PLEKHM3: variants seen among roughly 807,000 people sequenced by gnomAD.
The protein encoded by PLEKHM3 is pleckstrin homology domain-containing family M member 3.
Under a neutral mutation model 81.8 loss-of-function variants are expected in PLEKHM3, and 45 were observed. That is an observed-to-expected ratio of 0.55 (90% CI 0.43 to 0.71). PLEKHM3 has a LOEUF of 0.71. Among genes scored for constraint, PLEKHM3 ranks in the 30% least tolerant of loss-of-function variants. PLEKHM3 has a pLI of 0.00. For synonymous variants in PLEKHM3, 352 were observed against 356.4 expected (o/e 0.99, Z 0.14); for missense variants, 788 against 924.3 (o/e 0.85, Z 1.91).
At position 207,976,811 on chromosome 2, in the gene PLEKHM3, C is replaced by A. The variant is rs1691326782; in HGVS notation, c.1386G>T (p.Glu462Asp). The change falls in exon 3 of 8, where the codon GAG becomes GAT. Residue 462 changes from glutamate (E) to aspartate (D), a missense_variant. Physicochemically the swap from Glu to Asp is conservative, Grantham distance 45 (BLOSUM62 2). Coordinates refer to ENST00000427836, the MANE Select transcript of PLEKHM3 (RefSeq NM_001080475.3). This position sits in a 1 kb window ranked among gnomAD's most constrained non-coding sequence, Gnocchi z 4.1. ...TCCTCAGTGTGACTTGCAGGTTTTG[C>A]TCTGAACTCCTCGCCACATTGGCAG... ...KIAANVARSS[E>D]QNLQVTLRNK... The A allele has an allele frequency of 1.2e-6, 2 of 1,614,250 alleles. No homozygotes were observed. The highest frequency in any genetic ancestry group is 8.5e-7 in the Non-Finnish European group (1 of 1,180,050).
Position 207,931,108 on chromosome 2 carries a change from C to T in PLEKHM3, c.1704G>A (p.Gln568=). ...ACACGTACTCCAGAAACTCCTTGGC[C>T]TGCTTCGACACCTACAAAACAAGCG... The part of the protein sequence containing the change: ...WDTSKYKVSK[Q]AKEFLEYVYE... Residue 568 remains glutamine, a synonymous_variant, in exon 5 of 8, where the codon CAG becomes CAA. Coordinates refer to ENST00000427836, the MANE Select transcript of PLEKHM3 (RefSeq NM_001080475.3). 1.2e-6 allele frequency: 2 copies of T among 1,611,514 alleles called. No homozygotes were observed. Among genetic ancestry groups the T allele is most frequent in the Non-Finnish European group, 1.7e-6 (2 of 1,178,320 alleles).
At chr2:207,858,723 C>T (rs1050311073) in intron 7 of PLEKHM3, among the ~76,000 whole-genome samples, 6 of 152,046 alleles carry the variant, frequency 3.9e-5, no homozygotes, top group Admixed American at 2.0e-4. Flanking sequence ...TCAAGTGATC[C>T]ACCCACCTGC....
At chr2:207,955,125 T>C (rs1241393057) in intron 3 of PLEKHM3, among the ~76,000 whole-genome samples, 1 of 152,214 alleles carries the variant, frequency 6.6e-6, no homozygotes, top group Non-Finnish European at 1.5e-5. Flanking sequence ...GTAAGTATAA[T>C]GATCTGTAAT....
At chr2:207,859,400 A>C (rs1285161686) in intron 7 of PLEKHM3, among the ~76,000 whole-genome samples, 5 of 151,570 alleles carry the variant, frequency 3.3e-5, no homozygotes, top group African/African-American at 1.2e-4. Flanking sequence ...GGCCTCCCAA[A>C]GTGCTGGGAT....
chr2:207,838,068 G>A (rs1043590891), intron 7 of PLEKHM3, among the ~76,000 whole-genome samples: 3 of 151,934 alleles, frequency 2.0e-5, no homozygotes, highest in African/African-American at 4.8e-5. Flanking sequence ...CACCGCGCCC[G>A]GCCTCGAGTT....
intron 4 of PLEKHM3, among the ~76,000 whole-genome samples, chr2:207,943,256 A>G (rs1690003652): frequency 6.6e-6 from 1 of 152,248 alleles, no homozygotes; most frequent in Non-Finnish European, 1.5e-5. Context: ...TATTACACAT[A>G]GTATGTATGT....
At chr2:207,884,132 C>A (rs1574369243) in intron 6 of PLEKHM3, among the ~76,000 whole-genome samples, 1 of 148,480 alleles carries the variant, frequency 6.7e-6, no homozygotes, top group African/African-American at 2.5e-5. Flanking sequence ...GACCCCCGTC[C>A]CCACCCCCAC....
At chr2:207,833,779 T>C (rs2092301994) in intron 7 of PLEKHM3, among the ~76,000 whole-genome samples, 1 of 152,148 alleles carries the variant, frequency 6.6e-6, no homozygotes, top group South Asian at 2.1e-4. Flanking sequence ...TAGTGGAAAA[T>C]GCATCACAGA....
intron 7 of PLEKHM3, among the ~76,000 whole-genome samples, chr2:207,847,121 C>A (rs2092387975): frequency 6.6e-6 from 1 of 152,146 alleles, no homozygotes; most frequent in South Asian, 2.1e-4. Flanking sequence ...AGGTGACAGC[C>A]ATCTATTCAA....
At chr2:207,970,641 A>G (rs1216779567) in intron 3 of PLEKHM3, among the ~76,000 whole-genome samples, 1 of 152,122 alleles carries the variant, frequency 6.6e-6, no homozygotes, top group African/African-American at 2.4e-5. Flanking sequence ...TCCCACTCAG[A>G]CCCTGCCACT....
rs2105870336 is a variant in PLEKHM3 at position 207,822,148 on chromosome 2, C to T, written c.*6171G>A. On this transcript the variant is annotated 3_prime_UTR_variant, in exon 8 of 8. Coordinates refer to ENST00000427836, the MANE Select transcript of PLEKHM3 (RefSeq NM_001080475.3). ...TTCTGATAGGTGACCAAAGCTAGAA[C>T]CTAGGCCTCCAGCAGCCAAAGCCTA... is the stretch of plus-strand genomic sequence containing the variant. 6.6e-6 allele frequency: 1 copy of T among 152,302 alleles called. No homozygotes were observed. The highest frequency in any genetic ancestry group is 2.1e-4 in the South Asian group (1 of 4,830). 9.4% of individuals were successfully genotyped at this position (152,302 alleles called of 1,614,324 possible).
chr2:207,992,182 C>A (rs749466609), intron 2 of PLEKHM3, among the ~76,000 whole-genome samples: 6 of 152,130 alleles, frequency 3.9e-5, no homozygotes, highest in Non-Finnish European at 7.4e-5. Context: ...GCTGGAGAAG[C>A]GGTTTAACAC....
In PLEKHM3 at chr2:207,851,024, G is replaced by A. The variant is rs572156847; in HGVS notation, c.2108+10081C>T. Among the ~76,000 whole-genome samples, 71 of 152,036 alleles carry A rather than the reference G, an allele frequency of 4.7e-4. No individual in the cohort carries two copies. The South Asian group carries it at 0.015, about 31-fold the overall frequency. On this transcript the variant is annotated intron_variant, in intron 7 of 7. Transcript: ENST00000427836. ...AAAAATTAGCTGGGCGTCGTGGCAC[G>A]CACCTGTAATCCCAGCTACTAGGGA...
intron 5 of PLEKHM3, among the ~76,000 whole-genome samples, chr2:207,930,453 T>C (rs2105939185): frequency 1.3e-5 from 2 of 151,690 alleles, no homozygotes; most frequent in South Asian, 4.1e-4. Context: ...ATAATAAATA[T>C]ATAAAATAAA....
intron 2 of PLEKHM3, among the ~76,000 whole-genome samples, chr2:207,983,876 A>G (rs1691627422): frequency 6.6e-6 from 1 of 152,092 alleles, no homozygotes; most frequent in Non-Finnish European, 1.5e-5. Context: ...CCTCATGGCC[A>G]CCTTCATCAA....
intron 1 of PLEKHM3, among the ~76,000 whole-genome samples, chr2:208,008,744 G>A (rs1174176698): frequency 3.3e-5 from 5 of 152,196 alleles, no homozygotes; most frequent in Non-Finnish European, 7.3e-5. Flanking sequence ...ATTCACTGAA[G>A]TTTTCTTCTC....
chr2:207,922,767 G>A (rs865997626), intron 5 of PLEKHM3, among the ~76,000 whole-genome samples: 13 of 151,558 alleles, frequency 8.6e-5, no homozygotes, highest in South Asian at 2.1e-4. Flanking sequence ...AGCAGAGATC[G>A]TGCCACTGCA....
chr2:207,941,912 G>C (rs1477278407), intron 4 of PLEKHM3, among the ~76,000 whole-genome samples: 2 of 152,148 alleles, frequency 1.3e-5, no homozygotes, highest in Non-Finnish European at 2.9e-5. Flanking sequence ...AAACCACAAT[G>C]AGATATCATC....
At chr2:207,985,619 T>C (rs1691689528) in intron 2 of PLEKHM3, among the ~76,000 whole-genome samples, 1 of 152,134 alleles carries the variant, frequency 6.6e-6, no homozygotes, top group South Asian at 2.1e-4. Flanking sequence ...TCACATATGT[T>C]AGCATATATA....
Sources: gnomAD v4.1 joint callset for allele counts (sites outside exome capture counted in the v4.1 genomes callset) on GRCh38, gnomAD v4.1.1 for gene constraint, Gnocchi (gnomAD v3.1) non-coding constraint, MANE v1.5 for transcripts, NCBI Gene and HGNC (gene_info 2026-07-23, HGNC 2026-07-21) for gene names.